The following ACAT1 variants were observed in gnomAD, a reference collection of about 807,000 sequenced individuals.
The protein encoded by ACAT1 is acetyl-CoA acetyltransferase 1, also known as acetyl-CoA acetyltransferase, mitochondrial.
ACAT1 carries 28 observed loss-of-function variants against 47.3 expected under a neutral mutation model. That is an observed-to-expected ratio of 0.59 (90% CI 0.44 to 0.81). The LOEUF is 0.81. Among genes scored for constraint, ACAT1 ranks in the 30% least tolerant of loss-of-function variants. The pLI, the probability that ACAT1 is intolerant of heterozygous loss-of-function variation, is 0.00. For synonymous variants in ACAT1, 181 were observed against 173.6 expected, an observed-to-expected ratio of 1.04 and a Z score of -0.34; for missense variants, 469 against 524.3, an observed-to-expected ratio of 0.89 and a Z score of 1.03.
At chr11:108,144,620 A>G (rs972251786) in intron 10 of ACAT1, among the ~76,000 whole-genome samples, 3 of 152,204 alleles carry the variant, frequency 2.0e-5, no homozygotes, top group Non-Finnish European at 4.4e-5. Flanking sequence ...TCACCCTGAC[A>G]GTAAACTTCT....
chr11:108,146,420 T>TA (rs1565298048), intron 11 of ACAT1, 61 bp downstream of exon 11: 1 of 1,572,870 alleles, frequency 6.4e-7, no homozygotes, highest in Admixed American at 1.7e-5. Context: ...TAGCTAAACT[T>TA]AAAACTGCTT....
At chr11:108,129,041 C>G (rs1357353552) in intron 1 of ACAT1, 2 of 152,204 alleles carry the variant, frequency 1.3e-5, no homozygotes, top group African/African-American at 4.8e-5. Context: ...CCCCCACCCC[C>G]CGCCTTTCCC....
At chr11:108,120,581 A>G (rs1220457423), upstream of ACAT1, among the ~76,000 whole-genome samples, 1 of 152,022 alleles carries the variant, frequency 6.6e-6, no homozygotes, top group East Asian at 1.9e-4. Context: ...GCCTAAAATA[A>G]CAACCATTTG....
In ACAT1 at chr11:108,147,359, G is replaced by A. The variant is rs886042080; in HGVS notation, c.1253G>A (p.Gly418Asp). 4 of 1,613,906 alleles carry A rather than the reference G, an allele frequency of 2.5e-6. No homozygotes were observed. The highest frequency in any genetic ancestry group is 3.4e-6 in the Non-Finnish European group (4 of 1,179,906). The change falls in exon 12 of 12, where the codon GGT (glycine) becomes GAT (aspartate). Residue 418 changes from glycine to aspartate, a missense_variant. Transcript: ENST00000265838. ...GLASICNGGG[G>D]ASAMLIQKL ...GCCAGTATTTGCAATGGAGGAGGAGGTGCTTCTGCCATGCTAATTCAGAAG... is the reference window on the plus strand; with the variant it reads ...GCCAGTATTTGCAATGGAGGAGGAGATGCTTCTGCCATGCTAATTCAGAAG...
chr11:108,146,438 C>T (rs2077711455), intron 11 of ACAT1, 79 bp downstream of exon 11: 3 of 1,525,490 alleles, frequency 2.0e-6, no homozygotes, highest in Non-Finnish European at 2.7e-6. Context: ...CTTCATAATT[C>T]CCATTGCTCT....
At chr11:108,124,057 C>CCTA (rs2077202731) in intron 1 of ACAT1, among the ~76,000 whole-genome samples, 1 of 152,120 alleles carries the variant, frequency 6.6e-6, no homozygotes, top group Non-Finnish European at 1.5e-5. Flanking sequence ...CTGGGTGTAG[C>CCTA]CACTGGAAGG....
At chr11:108,138,114 G>A (rs1454506566) in intron 5 of ACAT1, among the ~76,000 whole-genome samples, 9 of 148,784 alleles carry the variant, frequency 6.0e-5, no homozygotes, top group Non-Finnish European at 1.2e-4. Flanking sequence ...TCAGCCTCCC[G>A]AGTAGCTGGG....
In ACAT1 at chr11:108,134,514, A is replaced by C. The variant is rs559620444; in HGVS notation, c.334+198A>C. ...AAAAATTAGCCAGGTGTGGTGGTGC[A>C]CTAATCCCAGCTACTTGGGAGGCTG... is the stretch of plus-strand genomic sequence containing the variant. On this transcript the variant is annotated intron_variant, in intron 4 of 11. Transcript: ENST00000265838. 14 of 407,172 alleles carry C rather than the reference A, an allele frequency of 3.4e-5. No individual in the cohort carries two copies. The East Asian group carries it at 7.2e-4, about 21-fold the overall frequency. 25.2% of individuals were successfully genotyped at this position (407,172 alleles called of 1,614,324 possible). A position where few individuals can be genotyped will look rare whatever the true frequency, so the allele number is the denominator to read the frequency against.
At chr11:108,136,872 G>A (rs1477029159) in intron 5 of ACAT1, 1 of 152,168 alleles carries the variant, frequency 6.6e-6, no homozygotes, top group African/African-American at 2.4e-5. Flanking sequence ...CCTGATTAAA[G>A]ACTGTAAGAA....
chr11:108,121,289 G>T (rs376263677), upstream of ACAT1: 2 of 488,914 alleles, frequency 4.1e-6, no homozygotes, highest in Non-Finnish European at 3.7e-6. Context: ...GAAAAATCTC[G>T]GATTACACAT....
chr11:108,144,183 C>G, intron 10 of ACAT1, 136 bp downstream of exon 10: 1 of 956,536 alleles, frequency 1.0e-6, no homozygotes, highest in Non-Finnish European at 1.6e-6. Context: ...CCCATGTCTT[C>G]TCCTGAAAAG....
chr11:108,119,781 A>AGGT (rs1286053295), upstream of ACAT1, among the ~76,000 whole-genome samples: 1 of 152,164 alleles, frequency 6.6e-6, no homozygotes, highest in African/African-American at 2.4e-5. Flanking sequence ...TAGAAGGGAA[A>AGGT]GGTGTGAGTG....
Position 108,145,873 on chromosome 11 carries a change from C to T in ACAT1, c.1006-329C>T, listed in dbSNP as rs570087250. Among the ~76,000 whole-genome samples, 58 of 152,204 alleles carry T rather than the reference C, an allele frequency of 3.8e-4. No homozygotes were observed. The South Asian group carries it at 3.9e-3, about 10-fold the overall frequency. On this transcript the variant is annotated intron_variant, in intron 10 of 11. Coordinates refer to ENST00000265838, the MANE Select transcript of ACAT1 (RefSeq NM_000019.4). ...CAGCCTGGCCAAACATGGTGAAACC[C>T]TGTCTCTACTAAAAATACAAAAAAT...
intron 1 of ACAT1, among the ~76,000 whole-genome samples, chr11:108,127,199 G>A (rs2077266786): frequency 6.6e-6 from 1 of 151,616 alleles, no homozygotes; most frequent in African/African-American, 2.4e-5. Context: ...TTGGGTGTGA[G>A]TCTGGTGGTC....
In ACAT1 at chr11:108,140,193, T is replaced by A. The variant is rs2077558688; in HGVS notation, c.708T>A (p.Ile236=). 1.2e-6 allele frequency: 2 copies of A among 1,614,038 alleles called. No homozygotes were observed. Among genetic ancestry groups the A allele is most frequent in the South Asian group, 1.1e-5 (1 of 91,088 alleles). Residue 236 remains isoleucine (I), a synonymous_variant, in exon 7 of 12, where the codon ATT becomes ATA. Coordinates refer to ENST00000265838, the MANE Select transcript of ACAT1 (RefSeq NM_000019.4). ...WEAGKFGNEV[I]PVTVTVKGQP... Reference sequence around the variant, plus strand: ...CTGGGAAATTTGGAAATGAAGTTATTCCTGTCACAGTTACAGTAAAAGGTA... The same window carrying A: ...CTGGGAAATTTGGAAATGAAGTTATACCTGTCACAGTTACAGTAAAAGGTA...
chr11:108,124,558 G>A lies in ACAT1; in HGVS notation c.72+2880G>A, dbSNP rs372473074. On this transcript the variant is annotated intron_variant, in intron 1 of 11. Transcript: ENST00000265838. ...ACAGCCTCCTAAAGTGATTACAGGT[G>A]TGAGCCACCACACCTGGCCCCCTTC... 1.2e-3 allele frequency among the ~76,000 whole-genome samples: 178 copies of A among 152,244 alleles called. 1 individual carries two copies. Among genetic ancestry groups the A allele is most frequent in the African/African-American group, 4.1e-3 (172 of 41,546 alleles).
At chr11:108,133,139 C>T (rs1445841597) in intron 2 of ACAT1, among the ~76,000 whole-genome samples, 1 of 152,094 alleles carries the variant, frequency 6.6e-6, no homozygotes, top group East Asian at 1.9e-4. Flanking sequence ...CAGCCAAGAT[C>T]ATACCACTGC....
chr11:108,146,360 G>A lies in ACAT1; in HGVS notation c.1163+1G>A, dbSNP rs1423476705. ...CTGTTTCTCTGGGACATCCAATTGG[G>A]TAGGTAAAAATAATAACTATATCTA... is the stretch of plus-strand genomic sequence containing the variant. On this transcript the variant is annotated splice_donor_variant, in intron 11 of 11. Coordinates refer to ENST00000265838, the MANE Select transcript of ACAT1 (RefSeq NM_000019.4). LOFTEE classifies it high-confidence loss of function. 9 of 1,613,636 alleles carry A rather than the reference G, an allele frequency of 5.6e-6. No individual in the cohort carries two copies. The highest frequency in any genetic ancestry group is 7.6e-6 in the Non-Finnish European group (9 of 1,179,792).
At chr11:108,124,049 G>A (rs2077202086) in intron 1 of ACAT1, among the ~76,000 whole-genome samples, 1 of 152,142 alleles carries the variant, frequency 6.6e-6, no homozygotes, top group African/African-American at 2.4e-5. Context: ...GCTTCTGGCT[G>A]GGTGTAGCCA....
Sources: allele counts gnomAD v4.1 joint callset (sites outside exome capture counted in the v4.1 genomes callset), GRCh38; gene constraint gnomAD v4.1.1; transcripts MANE v1.5; gene names NCBI Gene and HGNC (gene_info 2026-07-23, HGNC 2026-07-21).